NOS1AP: variants seen among roughly 807,000 people sequenced by gnomAD.
NOS1AP encodes carboxyl-terminal PDZ ligand of neuronal nitric oxide synthase protein.
NOS1AP carries 21 observed loss-of-function variants against 56.2 expected under a neutral mutation model. The observed-to-expected ratio is 0.37, with a 90% CI of 0.26 to 0.54. The LOEUF is 0.54. Ranked by LOEUF, NOS1AP falls within the 20% of genes least tolerant of loss-of-function variation. The pLI, the probability that NOS1AP is intolerant of heterozygous loss-of-function variation, is 0.84. For missense variants in NOS1AP, 522 were observed against 657.8 expected (o/e 0.79, Z 2.26); for synonymous variants, 270 against 274.6 (o/e 0.98, Z 0.17).
intron 5 of NOS1AP, among the ~76,000 whole-genome samples, chr1:162,334,753 T>C (rs1251434550): frequency 6.6e-6 from 1 of 152,232 alleles, no homozygotes; most frequent in Non-Finnish European, 1.5e-5. Flanking sequence ...ATAGTTAATC[T>C]TATTTTATCC....
intron 1 of NOS1AP, among the ~76,000 whole-genome samples, chr1:162,146,887 T>C (rs1649483427): frequency 6.6e-6 from 1 of 152,232 alleles, no homozygotes; most frequent in Non-Finnish European, 1.5e-5. Context: ...GTTTATATTG[T>C]GGTTCACTTT....
In NOS1AP at chr1:162,367,458, C is replaced by T. The variant is rs972912038; in HGVS notation, c.1512C>T (p.Ile504=). 6 of 1,560,590 alleles carry T rather than the reference C, an allele frequency of 3.8e-6. No homozygotes were observed. The highest frequency in any genetic ancestry group is 1.4e-5 in the African/African-American group (1 of 73,940). The change falls in exon 10 of 10, where the codon ATC becomes ATT. Residue 504 remains isoleucine, a synonymous_variant. Coordinates refer to ENST00000361897, the MANE Select transcript of NOS1AP (RefSeq NM_014697.3). This position sits in a 1 kb window ranked among gnomAD's most constrained non-coding sequence, Gnocchi z 6.5. ...TGGGCGACGGCCTGGATGATGAGAT[C>T]GCCGTGTAGGTGCCGAGGGCGAGGA... ...QELGDGLDDE[I]AV
chr1:162,347,976 C>T (rs1054387508), intron 6 of NOS1AP, among the ~76,000 whole-genome samples: 28 of 152,192 alleles, frequency 1.8e-4, no homozygotes, highest in Admixed American at 1.6e-3. Context: ...AAATTTAAAC[C>T]CTTTTTTTCT....
At chr1:162,297,723 A>G (rs1053380154) in intron 3 of NOS1AP, among the ~76,000 whole-genome samples, 2 of 152,188 alleles carry the variant, frequency 1.3e-5, no homozygotes, top group African/African-American at 2.4e-5. Context: ...AAAAAACATG[A>G]TAGATATAGG....
At chr1:162,307,857 G>A (rs1377475620) in intron 4 of NOS1AP, among the ~76,000 whole-genome samples, 2 of 152,024 alleles carry the variant, frequency 1.3e-5, no homozygotes, top group African/African-American at 2.4e-5. Context: ...TCCAACTTTG[G>A]CTTTCTACAT....
At chr1:162,123,855 T>C (rs563776708) in intron 1 of NOS1AP, among the ~76,000 whole-genome samples, 13 of 152,182 alleles carry the variant, frequency 8.5e-5, no homozygotes, top group Non-Finnish European at 1.8e-4. Flanking sequence ...TTCCTTCTTC[T>C]ATAAGTCCTT....
intron 4 of NOS1AP, among the ~76,000 whole-genome samples, chr1:162,325,016 T>C (rs901684403): frequency 1.3e-5 from 2 of 152,216 alleles, no homozygotes; most frequent in Admixed American, 1.3e-4. Flanking sequence ...GGAGACCAGT[T>C]CCATGAGGGA....
intron 2 of NOS1AP, among the ~76,000 whole-genome samples, chr1:162,241,620 A>C (rs1015398279): frequency 6.6e-6 from 1 of 152,100 alleles, no homozygotes; most frequent in Admixed American, 6.5e-5. Flanking sequence ...AAGTAACTTG[A>C]CCTGGGCTAC....
chr1:162,198,900 G>A (rs1288460088), intron 2 of NOS1AP, among the ~76,000 whole-genome samples: 1 of 152,144 alleles, frequency 6.6e-6, no homozygotes, highest in African/African-American at 2.4e-5. Flanking sequence ...TTCACCCAAG[G>A]ACTTGGGGCT....
intron 8 of NOS1AP, among the ~76,000 whole-genome samples, chr1:162,361,958 A>G (rs116427630): frequency 8.9e-4 from 136 of 152,276 alleles, no homozygotes; most frequent in Middle Eastern, 3.4e-3. Flanking sequence ...ACTGACCACA[A>G]TGTCAACCTG....
chr1:162,182,032 C>T (rs999636111), intron 2 of NOS1AP, among the ~76,000 whole-genome samples: 1 of 152,122 alleles, frequency 6.6e-6, no homozygotes, highest in African/African-American at 2.4e-5. Context: ...TTATTTTAAT[C>T]CTCAGAGCTG....
chr1:162,353,079 C>T (rs1657576169), intron 6 of NOS1AP, among the ~76,000 whole-genome samples: 1 of 150,494 alleles, frequency 6.6e-6, no homozygotes, highest in Admixed American at 6.6e-5. Context: ...GCTTTCTGCC[C>T]CCTGACGATC....
chr1:162,071,722 T>C (rs1691663034), intron 1 of NOS1AP, among the ~76,000 whole-genome samples: 1 of 152,178 alleles, frequency 6.6e-6, no homozygotes, highest in Non-Finnish European at 1.5e-5. Flanking sequence ...CTTGGGTTAA[T>C]TTTTGCCCAG....
At chr1:162,082,528 T>A (rs1691917702) in intron 1 of NOS1AP, among the ~76,000 whole-genome samples, 1 of 152,252 alleles carries the variant, frequency 6.6e-6, no homozygotes, top group East Asian at 1.9e-4. Flanking sequence ...TTTTCCACAA[T>A]GGCTGAACTA....
At chr1:162,212,669 T>A (rs773880010) in intron 2 of NOS1AP, among the ~76,000 whole-genome samples, 5 of 152,164 alleles carry the variant, frequency 3.3e-5, no homozygotes, top group Admixed American at 6.5e-5. Flanking sequence ...CCACACACTT[T>A]CCTGCCCCAT....
At chr1:162,197,440 T>G (rs187506398) in intron 2 of NOS1AP, among the ~76,000 whole-genome samples, 1 of 152,248 alleles carries the variant, frequency 6.6e-6, no homozygotes, top group Non-Finnish European at 1.5e-5. Flanking sequence ...ATGTACTGGC[T>G]GCTATGTTGT....
chr1:162,190,131 T>C (rs1278096641), intron 2 of NOS1AP, among the ~76,000 whole-genome samples: 3 of 152,196 alleles, frequency 2.0e-5, no homozygotes, highest in African/African-American at 7.2e-5. Context: ...GTAGTGGATA[T>C]TACAAAAATA....
At chr1:162,205,607 T>A (rs889104582) in intron 2 of NOS1AP, among the ~76,000 whole-genome samples, 1 of 152,216 alleles carries the variant, frequency 6.6e-6, no homozygotes, top group Admixed American at 6.5e-5. Context: ...TCCAGAATAA[T>A]GTAATGGTTT....
At chr1:162,205,461 G>A (rs540100587) in intron 2 of NOS1AP, among the ~76,000 whole-genome samples, 3 of 152,294 alleles carry the variant, frequency 2.0e-5, no homozygotes, top group South Asian at 2.1e-4. Flanking sequence ...CCTTGGTAGA[G>A]GGTGACAATT....
Sources: allele counts gnomAD v4.1 joint callset (sites outside exome capture counted in the v4.1 genomes callset), GRCh38; gene constraint gnomAD v4.1.1; non-coding constraint Gnocchi (gnomAD v3.1); transcripts MANE v1.5; gene names NCBI Gene and HGNC (gene_info 2026-07-23, HGNC 2026-07-21).